Variants in FUT8 observed in about 807,000 individuals in gnomAD.
The protein encoded by FUT8 is alpha-(1,6)-fucosyltransferase.
A neutral mutation model predicts 71.3 loss-of-function variants in FUT8; 29 were observed. The ratio of observed to expected loss-of-function variants is 0.41; its 90% CI spans 0.30 to 0.55. FUT8 has a LOEUF of 0.55. FUT8 is among the 20% of genes least tolerant of loss of function. FUT8 has a pLI of 0.34. For synonymous variants in FUT8, 254 were observed against 239.3 expected, an observed-to-expected ratio of 1.06 and a Z score of -0.57; for missense variants, 544 against 702.1, an observed-to-expected ratio of 0.77 and a Z score of 2.55.
At chr14:65,725,656 C>T (rs1895646749) in intron 9 of FUT8, among the ~76,000 whole-genome samples, 1 of 152,186 alleles carries the variant, frequency 6.6e-6, no homozygotes, top group Admixed American at 6.5e-5. Flanking sequence ...CTGTCTCCTT[C>T]ACTAGATTAT....
chr14:65,392,569 C>A, the FUT8 span, among the ~76,000 whole-genome samples: 1 of 152,104 alleles, frequency 6.6e-6, no homozygotes, highest in Non-Finnish European at 1.5e-5. Flanking sequence ...CCTCCAAGAT[C>A]CAGCCAGCCA....
chr14:65,729,606 C>T (rs913286058), intron 9 of FUT8, among the ~76,000 whole-genome samples: 1 of 151,720 alleles, frequency 6.6e-6, no homozygotes, highest in Non-Finnish European at 1.5e-5. Flanking sequence ...GCCTCGACCT[C>T]CTGGGCTCAA....
intron 7 of FUT8, among the ~76,000 whole-genome samples, chr14:65,674,838 C>T (rs1892634907): frequency 6.6e-6 from 1 of 152,072 alleles, no homozygotes; most frequent in South Asian, 2.1e-4. Context: ...TGAGTTGGTA[C>T]CACATATAGT....
chr14:65,427,744 A>G (rs2065411836), intron 1 of FUT8, among the ~76,000 whole-genome samples: 2 of 152,168 alleles, frequency 1.3e-5, no homozygotes, highest in East Asian at 3.8e-4. Flanking sequence ...GTTCTAGTAA[A>G]TTTATATAGT....
intron 7 of FUT8, among the ~76,000 whole-genome samples, chr14:65,702,334 A>C (rs1894341539): frequency 7.7e-6 from 1 of 129,630 alleles, no homozygotes; most frequent in Non-Finnish European, 1.7e-5. Context: ...AGCAAGAACA[A>C]AACTCCATCT....
intron 2 of FUT8, among the ~76,000 whole-genome samples, chr14:65,558,066 C>T (rs1176217330): frequency 6.6e-6 from 1 of 151,612 alleles, no homozygotes; most frequent in Admixed American, 6.6e-5. Context: ...TGTGGTGGCT[C>T]ACATCTGTAA....
intron 2 of FUT8, among the ~76,000 whole-genome samples, chr14:65,515,328 A>C (rs956774490): frequency 4.6e-5 from 7 of 152,168 alleles, no homozygotes; most frequent in African/African-American, 1.4e-4. Context: ...CATTACAGTT[A>C]CTGTAATTCA....
Position 65,441,559 on chromosome 14 carries a change from G to C in FUT8, c.-325-14062G>C, listed in dbSNP as rs149727882. Among the ~76,000 whole-genome samples the C allele has an allele frequency of 6.0e-3, 904 of 151,898 alleles. 10 individuals are homozygous for C. Among genetic ancestry groups the C allele is most frequent in the East Asian group, 0.034 (178 of 5,170 alleles). Reference sequence around the variant, plus strand: ...AGTTCAAGACCAGCCTGGCCACCATGGTGAAACCCCATCTCTACTAAAAAC... The same window carrying C: ...AGTTCAAGACCAGCCTGGCCACCATCGTGAAACCCCATCTCTACTAAAAAC... On this transcript the variant is annotated intron_variant, in intron 1 of 10. Coordinates refer to ENST00000673929, the MANE Select transcript of FUT8 (RefSeq NM_001371533.1).
intron 6 of FUT8, among the ~76,000 whole-genome samples, chr14:65,657,023 G>C (rs1276973848): frequency 6.6e-6 from 1 of 152,108 alleles, no homozygotes; most frequent in Non-Finnish European, 1.5e-5. Flanking sequence ...ACTTAAATCT[G>C]AGACCTCATA....
chr14:65,504,766 C>G (rs2066699981), intron 2 of FUT8, among the ~76,000 whole-genome samples: 1 of 151,992 alleles, frequency 6.6e-6, no homozygotes, highest in Admixed American at 6.6e-5. Flanking sequence ...GTTGGCCAGG[C>G]TGGTCTCAAA....
intron 5 of FUT8, among the ~76,000 whole-genome samples, chr14:65,625,135 C>G (rs925305718): frequency 2.0e-5 from 3 of 151,804 alleles, no homozygotes; most frequent in African/African-American, 4.8e-5. Flanking sequence ...TGTGATTACT[C>G]CTATTTGATA....
intron 5 of FUT8, among the ~76,000 whole-genome samples, chr14:65,628,174 G>C (rs747772259): frequency 6.6e-6 from 1 of 152,142 alleles, no homozygotes; most frequent in Non-Finnish European, 1.5e-5. Flanking sequence ...CTCTGGAGTA[G>C]GAATATACCT....
intron 6 of FUT8, among the ~76,000 whole-genome samples, chr14:65,634,104 G>A (rs1317153515): frequency 4.6e-5 from 7 of 152,180 alleles, no homozygotes; most frequent in Non-Finnish European, 1.0e-4. Flanking sequence ...TGACAATGGC[G>A]GTTTTGTGGA....
At chr14:65,596,976 A>G (rs1350334999) in intron 3 of FUT8, among the ~76,000 whole-genome samples, 1 of 152,236 alleles carries the variant, frequency 6.6e-6, no homozygotes, top group South Asian at 2.1e-4. Context: ...AAAATTGTTT[A>G]CCAGTAATCT....
chr14:65,635,726 T>C (rs1401804463), intron 6 of FUT8, among the ~76,000 whole-genome samples: 1 of 152,202 alleles, frequency 6.6e-6, no homozygotes, highest in Non-Finnish European at 1.5e-5. Flanking sequence ...TGTTGTTGGA[T>C]TTGGCTAGCT....
chr14:65,575,294 A>G (rs571084319), intron 3 of FUT8, among the ~76,000 whole-genome samples: 52 of 151,798 alleles, frequency 3.4e-4, no homozygotes, highest in African/African-American at 1.3e-3. Flanking sequence ...GAGTGATTAC[A>G]TATGGCAAGA....
intron 7 of FUT8, among the ~76,000 whole-genome samples, chr14:65,680,716 G>A (rs752538187): frequency 6.6e-6 from 1 of 152,132 alleles, no homozygotes; most frequent in Non-Finnish European, 1.5e-5. Flanking sequence ...AATTATTTCA[G>A]TATCTCCTCT....
intron 3 of FUT8, among the ~76,000 whole-genome samples, chr14:65,589,380 G>C (rs1348380449): frequency 2.7e-5 from 4 of 150,880 alleles, no homozygotes; most frequent in African/African-American, 7.3e-5. Context: ...GAACACCATG[G>C]CACTTCCCAG....
chr14:65,418,300 C>A (rs1308762777), intron 1 of FUT8, among the ~76,000 whole-genome samples: 2 of 152,140 alleles, frequency 1.3e-5, no homozygotes, highest in Non-Finnish European at 2.9e-5. Flanking sequence ...TCAAGACTTT[C>A]AATGGACAAT....
Sources: gnomAD v4.1 joint callset for allele counts (sites outside exome capture counted in the v4.1 genomes callset) on GRCh38, gnomAD v4.1.1 for gene constraint, MANE v1.5 for transcripts, NCBI Gene and HGNC (gene_info 2026-07-23, HGNC 2026-07-21) for gene names.